MGAT4C: variants seen among roughly 807,000 people sequenced by gnomAD.
The protein encoded by MGAT4C is alpha-1,3-mannosyl-glycoprotein 4-beta-N-acetylglucosaminyltransferase C.
Under a neutral mutation model 40.1 loss-of-function variants are expected in MGAT4C, and 19 were observed. That is an observed-to-expected ratio of 0.47 (90% CI 0.33 to 0.70). The LOEUF is 0.70. Among genes scored for constraint, MGAT4C ranks in the 30% least tolerant of loss-of-function variants. The pLI, the probability that MGAT4C is intolerant of heterozygous loss-of-function variation, is 0.02. For missense variants in MGAT4C, 491 were observed against 563.2 expected (o/e 0.87, Z 1.30); for synonymous variants, 181 against 187.1 (o/e 0.97, Z 0.27).
chr12:86,097,977 A>G (rs1294208905), intron 1 of MGAT4C, among the ~76,000 whole-genome samples: 1 of 151,634 alleles, frequency 6.6e-6, no homozygotes, highest in Non-Finnish European at 1.5e-5. Context: ...CTGTCATTTG[A>G]CACTCATCCT....
At chr12:86,031,861 A>C (rs1311892973) in intron 2 of MGAT4C, among the ~76,000 whole-genome samples, 1 of 151,910 alleles carries the variant, frequency 6.6e-6, no homozygotes, top group Admixed American at 6.6e-5. Context: ...TTATTTCATT[A>C]CCCAGGTAAT....
At position 86,818,654 on chromosome 12, in the gene MGAT4C, A is replaced by G. The variant is rs1343864165; in HGVS notation, c.-262+20012T>C. Among the ~76,000 whole-genome samples the G allele has an allele frequency of 2.6e-5, 4 of 151,188 alleles. No homozygotes were observed. The South Asian group carries it at 6.2e-4, about 23-fold the overall frequency. ...ATGTATACATTCAACAGGGAAAAAA[A>G]TAAACTCAAATAAAACATTTTGAAG... On this transcript the variant is annotated intron_variant, in intron 1 of 7. Transcript: ENST00000548651.
intron 2 of MGAT4C, among the ~76,000 whole-genome samples, chr12:86,019,433 T>G (rs1889425217): frequency 6.6e-6 from 1 of 152,098 alleles, no homozygotes; most frequent in South Asian, 2.1e-4. Context: ...ATCTCTGATG[T>G]TGTATGCATC....
intron 2 of MGAT4C, among the ~76,000 whole-genome samples, chr12:86,600,882 T>C (rs1270255071): frequency 6.6e-6 from 1 of 152,224 alleles, no homozygotes; most frequent in African/African-American, 2.4e-5. Context: ...CAGAAGTTCC[T>C]GTTCCCACTC....
chr12:86,628,277 T>C (rs572057361), intron 2 of MGAT4C, among the ~76,000 whole-genome samples: 1 of 152,206 alleles, frequency 6.6e-6, no homozygotes, highest in African/African-American at 2.4e-5. Flanking sequence ...TTGATTGGTG[T>C]ACCTGAAAGT....
At chr12:86,193,119 A>C (rs1225974036) in intron 1 of MGAT4C, among the ~76,000 whole-genome samples, 2 of 152,030 alleles carry the variant, frequency 1.3e-5, no homozygotes, top group African/African-American at 4.8e-5. Context: ...ATTCAGATTT[A>C]ATAAAATCAG....
chr12:86,114,239 C>A (rs1340210224), intron 1 of MGAT4C, among the ~76,000 whole-genome samples: 1 of 151,674 alleles, frequency 6.6e-6, no homozygotes, highest in African/African-American at 2.4e-5. Flanking sequence ...TTTTGGTATT[C>A]CTTAAATGGT....
chr12:86,407,526 T>G (rs1956499053), intron 3 of MGAT4C, among the ~76,000 whole-genome samples: 1 of 152,076 alleles, frequency 6.6e-6, no homozygotes, highest in Non-Finnish European at 1.5e-5. Context: ...TTGGGTGAAG[T>G]TCTTATTTGC....
intron 3 of MGAT4C, among the ~76,000 whole-genome samples, chr12:86,370,331 G>A (rs1311276656): frequency 1.3e-5 from 2 of 152,014 alleles, no homozygotes; most frequent in Non-Finnish European, 2.9e-5. Context: ...CACTGAAACT[G>A]GAAAGATAAA....
chr12:86,263,644 A>G (rs1163496031), intron 4 of MGAT4C, among the ~76,000 whole-genome samples: 2 of 152,172 alleles, frequency 1.3e-5, no homozygotes, highest in Admixed American at 1.3e-4. Flanking sequence ...CTATCAGTGC[A>G]GATATCTTTT....
chr12:86,704,653 C>G (rs901365492), intron 2 of MGAT4C, among the ~76,000 whole-genome samples: 1 of 152,198 alleles, frequency 6.6e-6, no homozygotes, highest in East Asian at 1.9e-4. Context: ...TAACAATCAA[C>G]TTATAAGGCA....
intron 1 of MGAT4C, among the ~76,000 whole-genome samples, chr12:86,739,493 T>C (rs1191287875): frequency 1.3e-5 from 2 of 150,750 alleles, no homozygotes; most frequent in African/African-American, 4.8e-5. Context: ...GGTTCTACAA[T>C]CGTAGGTTCA....
chr12:86,240,041 AAAAAT>A lies in MGAT4C; in HGVS notation c.-57+16193_-57+16197del, dbSNP rs1231482347. Reference sequence around the variant, plus strand: ...TAGAGTATAATAAAAAAAAAAAATAAAAAATAAAATAAAATAAAATAAAATTATAT... The same window carrying A: ...TAGAGTATAATAAAAAAAAAAAATAAAAAATAAAATAAAATAAAATTATAT... On this transcript the variant is annotated intron_variant, in intron 1 of 4. Transcript: ENST00000611864. 6.4e-4 allele frequency among the ~76,000 whole-genome samples: 45 copies of A among 69,802 alleles called. 1 individual carries two copies. Among genetic ancestry groups the A allele is most frequent in the Admixed American group, 2.7e-3 (22 of 8,104 alleles). The allele number at this position is 69,802 out of a possible 152,430, so 45.8% of individuals were successfully genotyped here.
At position 86,802,508 on chromosome 12, in the gene MGAT4C, T is replaced by C. The variant is rs367970973; in HGVS notation, c.-262+36158A>G. On this transcript the variant is annotated intron_variant, in intron 1 of 7. Transcript: ENST00000548651. ...GTGTCCTTAGCAAGGTAGCAGAATA[T>C]ATAATACATCAAAAATAATAATGCT... Among the ~76,000 whole-genome samples, 539 of 152,136 alleles carry C rather than the reference T, an allele frequency of 3.5e-3. 3 individuals are homozygous for C. The highest frequency in any genetic ancestry group is 0.017 in the Middle Eastern group (5 of 294).
chr12:86,573,539 T>C (rs1048921948), intron 2 of MGAT4C, among the ~76,000 whole-genome samples: 1 of 151,994 alleles, frequency 6.6e-6, no homozygotes, highest in African/African-American at 2.4e-5. Context: ...ATGTAACCCA[T>C]TTTTATTGTA....
chr12:85,987,339 G>A (rs10863134), intron 3 of MGAT4C, among the ~76,000 whole-genome samples: 37,140 of 150,364 alleles, frequency 0.25, 5,224 homozygotes, highest in Non-Finnish European at 0.32. Flanking sequence ...GGGTTTCACC[G>A]TTTTAGCCGG....
chr12:86,506,439 A>C (rs1333075601), intron 2 of MGAT4C, among the ~76,000 whole-genome samples: 1 of 152,184 alleles, frequency 6.6e-6, no homozygotes, highest in Non-Finnish European at 1.5e-5. Flanking sequence ...GACTGAAGTA[A>C]AGAATGTCCT....
In MGAT4C at chr12:85,968,449, G is replaced by T. The variant is rs1883464925; in HGVS notation, c.*10840C>A. The T allele has an allele frequency of 6.6e-6, 1 of 151,908 alleles. No homozygotes were observed. The highest frequency in any genetic ancestry group is 2.1e-4 in the South Asian group (1 of 4,824). 9.4% of individuals were successfully genotyped at this position (151,908 alleles called of 1,614,324 possible). A position where few individuals can be genotyped will look rare whatever the true frequency, so the allele number is the denominator to read the frequency against. ...AAAACGAGAGTCCCAGATTCAATAG[G>T]AAGGCATGCAGAGTGTTCTCTATAA... On this transcript the variant is annotated 3_prime_UTR_variant, in exon 5 of 5. Transcript: ENST00000611864.
chr12:86,203,541 G>C (rs911734105), intron 1 of MGAT4C, among the ~76,000 whole-genome samples: 2 of 151,990 alleles, frequency 1.3e-5, no homozygotes, highest in African/African-American at 2.4e-5. Flanking sequence ...TAGGTGTTTT[G>C]GTAGCTCCAA....
Sources: gnomAD v4.1 joint callset for allele counts (sites outside exome capture counted in the v4.1 genomes callset) on GRCh38, gnomAD v4.1.1 for gene constraint, MANE v1.5 for transcripts, NCBI Gene and HGNC (gene_info 2026-07-23, HGNC 2026-07-21) for gene names.